Variants in FNIP1 observed in about 807,000 individuals in gnomAD.
FNIP1 encodes the protein folliculin interacting protein 1, also known as folliculin-interacting protein 1.
FNIP1 carries 40 observed loss-of-function variants against 124.5 expected under a neutral mutation model. The observed-to-expected ratio is 0.32, with a 90% CI of 0.25 to 0.42. FNIP1 has a LOEUF of 0.42. Ranked by LOEUF, FNIP1 falls within the 10% of genes least tolerant of loss-of-function variation. FNIP1 has a pLI of 1.00. For missense variants in FNIP1, 1,176 were observed against 1,403.7 expected (o/e 0.84, Z 2.59); for synonymous variants, 472 against 470.6 (o/e 1.00, Z -0.04).
chr5:131,767,427 C>CAAAAAAAAAAAA (rs139550903), intron 1 of FNIP1, among the ~76,000 whole-genome samples: 11 of 64,012 alleles, frequency 1.7e-4, no homozygotes, highest in African/African-American at 5.0e-4. Context: ...GATTCTGTCT[C>CAAAAAAAAAAAA]AAAAAAAAAA....
At chr5:131,771,881 A>G (rs1771646030) in intron 1 of FNIP1, among the ~76,000 whole-genome samples, 1 of 152,102 alleles carries the variant, frequency 6.6e-6, no homozygotes, top group Non-Finnish European at 1.5e-5. Context: ...CCACCTACGC[A>G]CATTTGACAC....
intron 3 of FNIP1, among the ~76,000 whole-genome samples, chr5:131,726,557 T>C (rs1437858795): frequency 6.6e-6 from 1 of 152,176 alleles, no homozygotes; most frequent in Non-Finnish European, 1.5e-5. Flanking sequence ...TCTTTTCTCT[T>C]TTCTTCTTCA....
intron 15 of FNIP1, among the ~76,000 whole-genome samples, chr5:131,669,326 G>A (rs1223246062): frequency 1.3e-5 from 2 of 152,126 alleles, no homozygotes. Flanking sequence ...AGAAAATAGA[G>A]GATGTGCCAA....
chr5:131,744,575 T>C lies in FNIP1; in HGVS notation c.208A>G (p.Ile70Val), dbSNP rs1770611793. 1.0e-5 allele frequency: 16 copies of C among 1,600,798 alleles called. No homozygotes were observed. The highest frequency in any genetic ancestry group is 1.3e-5 in the Non-Finnish European group (15 of 1,173,330). Residue 70 changes from isoleucine (I) to valine (V), a missense_variant, in exon 2 of 18, where the codon ATA (isoleucine) becomes GTA (valine). Physicochemically the swap from Ile to Val is conservative, Grantham distance 29. Coordinates refer to ENST00000510461, the MANE Select transcript of FNIP1 (RefSeq NM_133372.3). ...DSSVKRRNED[I>V]SVSKLGSDAQ... ...ATAATGATGCTCACCGATACTGATA[T>C]GTCCTCATTTCTTCTCTTAACACTG...
intron 3 of FNIP1, among the ~76,000 whole-genome samples, chr5:131,726,013 T>C (rs1247676763): frequency 6.6e-6 from 1 of 152,240 alleles, no homozygotes; most frequent in African/African-American, 2.4e-5. Flanking sequence ...TTTGCATATG[T>C]TGAACCAGCC....
At chr5:131,725,946 G>A (rs1263177340) in intron 3 of FNIP1, among the ~76,000 whole-genome samples, 1 of 151,902 alleles carries the variant, frequency 6.6e-6, no homozygotes, top group Non-Finnish European at 1.5e-5. Flanking sequence ...CTGCATCTGA[G>A]ATAATCATGT....
intron 3 of FNIP1, among the ~76,000 whole-genome samples, chr5:131,729,684 C>T (rs1770010452): frequency 6.6e-6 from 1 of 152,134 alleles, no homozygotes; most frequent in South Asian, 2.1e-4. Context: ...CTCAAGCAAT[C>T]CTCCCACCTC....
intron 3 of FNIP1, among the ~76,000 whole-genome samples, chr5:131,721,434 G>C (rs1215223745): frequency 6.6e-6 from 1 of 152,094 alleles, no homozygotes; most frequent in East Asian, 1.9e-4. Flanking sequence ...TGTACATGTA[G>C]AAAACAATTC....
At chr5:131,685,448 C>CT (rs368323566) in intron 11 of FNIP1, among the ~76,000 whole-genome samples, 90,167 of 126,022 alleles carry the variant, frequency 0.72, 34,529 homozygotes, top group Non-Finnish European at 0.85. Flanking sequence ...CCTTAAGAAT[C>CT]TTTTTTTTTT....
chr5:131,754,242 T>C (rs1333096278), intron 1 of FNIP1, among the ~76,000 whole-genome samples: 2 of 152,204 alleles, frequency 1.3e-5, no homozygotes, highest in African/African-American at 4.8e-5. Context: ...AAGAAAAAGA[T>C]AGCCATACCA....
In FNIP1 at chr5:131,730,924, C is replaced by G; in HGVS notation, c.334G>C (p.Asp112His). 6.2e-7 allele frequency: 1 copy of G among 1,605,868 alleles called. No homozygotes were observed. The highest frequency in any genetic ancestry group is 8.5e-7 in the Non-Finnish European group (1 of 1,176,898). The stretch of plus-strand genomic sequence containing the variant: ...CTTACCTGGTACTTAAGACACTGGT[C>G]TTTTATATCAGAAGATGAAGTCACA... ...SSVTSSSDIK[D>H]QCLKYQGSRC... The change falls in exon 3 of 18, where the codon GAC (aspartate) becomes CAC (histidine). Residue 112 changes from aspartate (D) to histidine (H), a missense_variant. Asp to His is a moderately conservative substitution (Grantham distance 81). Coordinates refer to ENST00000510461, the MANE Select transcript of FNIP1 (RefSeq NM_133372.3).
intron 1 of FNIP1, among the ~76,000 whole-genome samples, chr5:131,768,163 A>G (rs555963475): frequency 6.6e-6 from 1 of 152,330 alleles, no homozygotes; most frequent in Admixed American, 6.5e-5. Context: ...TTTAACATGC[A>G]TAAAATTATA....
chr5:131,787,544 C>T (rs187398660), intron 1 of FNIP1, among the ~76,000 whole-genome samples: 70 of 152,308 alleles, frequency 4.6e-4, no homozygotes, highest in South Asian at 1.4e-3. Context: ...AACAAAGGCT[C>T]TAGAACTTAA....
At chr5:131,719,263 A>G in intron 4 of FNIP1, 54 bp downstream of exon 4, 3 of 1,533,854 alleles carry the variant, frequency 2.0e-6, no homozygotes, top group Non-Finnish European at 2.7e-6. Flanking sequence ...TCTCTAAAAA[A>G]ACGAAAATAT....
chr5:131,657,762 T>TG (rs1285980646), intron 15 of FNIP1, among the ~76,000 whole-genome samples: 1 of 62,338 alleles, frequency 1.6e-5, no homozygotes, highest in Non-Finnish European at 3.2e-5. Flanking sequence ...AAAAAAACGG[T>TG]GGGTGAAGGC....
intron 11 of FNIP1, among the ~76,000 whole-genome samples, chr5:131,691,478 T>C (rs548606788): frequency 6.6e-6 from 1 of 152,234 alleles, no homozygotes; most frequent in South Asian, 2.1e-4. Flanking sequence ...TAAGGAATAG[T>C]AAAATCTAGA....
chr5:131,774,001 G>T (rs1194319896), intron 1 of FNIP1, among the ~76,000 whole-genome samples: 1 of 152,168 alleles, frequency 6.6e-6, no homozygotes, highest in African/African-American at 2.4e-5. Flanking sequence ...CCAAACAAAT[G>T]AAACAATTAT....
intron 13 of FNIP1, among the ~76,000 whole-genome samples, chr5:131,676,004 G>A (rs975157645): frequency 8.6e-5 from 13 of 150,324 alleles, no homozygotes; most frequent in South Asian, 6.3e-4. Context: ...GATTATAGGC[G>A]CCTGCCACCA....
At chr5:131,649,625 T>G (rs1253919415) in intron 16 of FNIP1, among the ~76,000 whole-genome samples, 1 of 152,204 alleles carries the variant, frequency 6.6e-6, no homozygotes, top group Non-Finnish European at 1.5e-5. Context: ...TGTTGATAGC[T>G]AATAAACAAA....
Sources: gnomAD v4.1 joint callset for allele counts (sites outside exome capture counted in the v4.1 genomes callset) on GRCh38, gnomAD v4.1.1 for gene constraint, MANE v1.5 for transcripts, NCBI Gene and HGNC (gene_info 2026-07-23, HGNC 2026-07-21) for gene names.